RAB5A: variants seen among roughly 807,000 people sequenced by gnomAD.
The protein encoded by RAB5A is ras-related protein Rab-5A.
A neutral mutation model predicts 25.7 loss-of-function variants in RAB5A; 8 were observed. That is an observed-to-expected ratio of 0.31 (90% confidence interval 0.18 to 0.56). The LOEUF (loss-of-function observed/expected upper bound fraction) is 0.56. Among genes scored for constraint, RAB5A ranks in the 20% least tolerant of loss-of-function variants. The pLI is 0.91. For synonymous variants in RAB5A, 98 were observed against 89.8 expected, an observed-to-expected ratio of 1.09 and a Z score of -0.52; for missense variants, 192 against 259.7, an observed-to-expected ratio of 0.74 and a Z score of 1.79.
At position 19,947,471 on chromosome 3, in the gene RAB5A, C is replaced by G. The variant is rs1461909864; in HGVS notation, c.-144C>G. 6.5e-6 allele frequency: 1 copy of G among 153,226 alleles called. No homozygotes were observed. Among genetic ancestry groups the G allele is most frequent in the African/African-American group, 2.4e-5 (1 of 41,442 alleles). 9.5% of individuals were successfully genotyped at this position (153,226 alleles called of 1,614,324 possible). On this transcript the variant is annotated 5_prime_UTR_variant, in exon 1 of 6. Coordinates refer to ENST00000273047, the MANE Select transcript of RAB5A (RefSeq NM_004162.5). The stretch of plus-strand genomic sequence containing the variant: ...TCTCATCCTACGGGCCACGCCTGGG[C>G]CTTGCTGCCAGGAAGCTTCGGCCCC...
At chr3:19,970,196 A>C (rs1696725290) in intron 2 of RAB5A, among the ~76,000 whole-genome samples, 1 of 152,156 alleles carries the variant, frequency 6.6e-6, no homozygotes, top group African/African-American at 2.4e-5. Flanking sequence ...CACTATGCCC[A>C]GCCACTTTGT....
chr3:19,947,266 C>CCGGCGGCGGCGG lies in RAB5A; in HGVS notation c.-339_-328dup, dbSNP rs67898127. 0.21 allele frequency: 37,658 copies of CCGGCGGCGGCGG among 182,848 alleles called. 5,665 individuals are homozygous for CCGGCGGCGGCGG. Among genetic ancestry groups the CCGGCGGCGGCGG allele is most frequent in the Non-Finnish European group, 0.28 (25,626 of 91,102 alleles). 11.3% of individuals were successfully genotyped at this position (182,848 alleles called of 1,614,324 possible). ...GGAAGAATTAGTCGGAACTCCAGCG[C>CCGGCGGCGGCGG]CGGCGGCGGCGGCGGCGGCGGAGGA... On this transcript the variant is annotated 5_prime_UTR_variant, in exon 1 of 6. Transcript: ENST00000273047.
intron 5 of RAB5A, 59 bp from the exon 6 acceptor site, chr3:19,983,649 T>C (rs942653817): frequency 4.4e-6 from 5 of 1,134,760 alleles, no homozygotes; most frequent in Admixed American, 3.9e-5. Context: ...GATAAGCAGG[T>C]GAAACTGATA....
In RAB5A at chr3:19,985,147, A is replaced by G. The variant is rs1697008817; in HGVS notation, c.*1324A>G. On this transcript the variant is annotated 3_prime_UTR_variant, in exon 6 of 6. Coordinates refer to ENST00000273047, the MANE Select transcript of RAB5A (RefSeq NM_004162.5). ...TGTTTAGTTTTATATTGAGGTGCTCAGGTTGGAATAAAGTGGTATAAAAAG... is the reference window on the plus strand; with the variant it reads ...TGTTTAGTTTTATATTGAGGTGCTCGGGTTGGAATAAAGTGGTATAAAAAG... The G allele has an allele frequency of 4.7e-6, 2 of 429,510 alleles. No individual in the cohort carries two copies. The highest frequency in any genetic ancestry group is 4.1e-5 in the African/African-American group (2 of 48,606). The allele number at this position is 429,510 out of a possible 1,614,324, so 26.6% of individuals were successfully genotyped here.
intron 2 of RAB5A, among the ~76,000 whole-genome samples, chr3:19,975,321 T>C (rs1198033255): frequency 2.6e-5 from 4 of 152,120 alleles, no homozygotes; most frequent in Admixed American, 2.6e-4. Flanking sequence ...GTGATTTCAC[T>C]ACAAAGGCCC....
chr3:19,957,490 TA>T (rs57627468), intron 2 of RAB5A, among the ~76,000 whole-genome samples: 99,687 of 138,694 alleles, frequency 0.72, 35,392 homozygotes, highest in Non-Finnish European at 0.76. Flanking sequence ...CCATCCTTAC[TA>T]AAAAAAAAAA....
chr3:19,969,409 A>G (rs1262181146), intron 2 of RAB5A, among the ~76,000 whole-genome samples: 2 of 152,136 alleles, frequency 1.3e-5, no homozygotes, highest in African/African-American at 2.4e-5. Flanking sequence ...GGATGATTTC[A>G]TTGACTACTG....
intron 2 of RAB5A, among the ~76,000 whole-genome samples, chr3:19,954,573 T>C (rs966882743): frequency 2.6e-5 from 4 of 152,120 alleles, no homozygotes; most frequent in African/African-American, 9.7e-5. Context: ...ATCCCAGCAC[T>C]TTGGGAAGCT....
chr3:19,983,998 T>A lies in RAB5A; in HGVS notation c.*175T>A. 2 of 561,608 alleles carry A rather than the reference T, an allele frequency of 3.6e-6. No individual in the cohort carries two copies. The highest frequency in any genetic ancestry group is 6.5e-6 in the Non-Finnish European group (2 of 308,876). 34.8% of individuals were successfully genotyped at this position (561,608 alleles called of 1,614,324 possible). On this transcript the variant is annotated 3_prime_UTR_variant, in exon 6 of 6. Coordinates refer to ENST00000273047, the MANE Select transcript of RAB5A (RefSeq NM_004162.5). Reference sequence around the variant, plus strand: ...TGAACTTAATTTTTAATAACATGCATGGGTCCCTCTCACTAATGTTTCAAC... The same window carrying A: ...TGAACTTAATTTTTAATAACATGCAAGGGTCCCTCTCACTAATGTTTCAAC...
intron 5 of RAB5A, among the ~76,000 whole-genome samples, chr3:19,981,613 CA>C (rs11307995): frequency 0.23 from 31,310 of 138,682 alleles, 3,917 homozygotes; most frequent in African/African-American, 0.37. Context: ...GACTCCGCCT[CA>C]AAAAAAAAAA....
chr3:19,963,915 C>T (rs750045586), intron 2 of RAB5A, among the ~76,000 whole-genome samples: 2 of 152,166 alleles, frequency 1.3e-5, no homozygotes, highest in African/African-American at 2.4e-5. Flanking sequence ...GCTGGGATTA[C>T]AGGTGTGAGC....
intron 2 of RAB5A, among the ~76,000 whole-genome samples, chr3:19,968,430 G>A (rs1696690602): frequency 6.6e-6 from 1 of 152,036 alleles, no homozygotes; most frequent in South Asian, 2.1e-4. Context: ...AAACTACCCA[G>A]TGTTTTCTTT....
intron 2 of RAB5A, among the ~76,000 whole-genome samples, chr3:19,971,303 G>A (rs1696748227): frequency 6.6e-6 from 1 of 151,570 alleles, no homozygotes; most frequent in Non-Finnish European, 1.5e-5. Context: ...TTATTATAGT[G>A]GGCTACACTA....
intron 2 of RAB5A, among the ~76,000 whole-genome samples, chr3:19,972,451 A>G (rs1479159048): frequency 2.6e-5 from 4 of 152,194 alleles, no homozygotes; most frequent in African/African-American, 9.6e-5. Context: ...GATGTAGGAG[A>G]TATTAACTAG....
rs375916393 is a variant in RAB5A at position 19,971,823 on chromosome 3, T to A, written c.164-3778T>A. The stretch of plus-strand genomic sequence containing the variant: ...AATATCTTGATGTTGTTTTTGAGGT[T>A]GTGTTACAACTTGAGTAGATACCTT... On this transcript the variant is annotated intron_variant, in intron 2 of 5. Coordinates refer to ENST00000273047, the MANE Select transcript of RAB5A (RefSeq NM_004162.5). Among the ~76,000 whole-genome samples, 22 of 152,296 alleles carry A rather than the reference T, an allele frequency of 1.4e-4. No homozygotes were observed. The South Asian group carries it at 3.7e-3, about 26-fold the overall frequency.
rs1167318350 is a variant in RAB5A at position 19,978,369 on chromosome 3, A to C, written c.498A>C (p.Thr166=). 1 of 1,606,778 alleles carries C rather than the reference A, an allele frequency of 6.2e-7. No homozygotes were observed. The highest frequency in any genetic ancestry group is 1.3e-5 in the African/African-American group (1 of 74,764). Residue 166 remains threonine, a synonymous_variant, in exon 5 of 6, where the codon ACA becomes ACC. Coordinates refer to ENST00000273047, the MANE Select transcript of RAB5A (RefSeq NM_004162.5). ...SLLFMETSAK[T]SMNVNEIFMA... Reference sequence around the variant, plus strand: ...TATTCATGGAGACATCCGCTAAAACATCAATGAATGTAAATGAAATATTCA... The same window carrying C: ...TATTCATGGAGACATCCGCTAAAACCTCAATGAATGTAAATGAAATATTCA...
chr3:19,972,748 A>G (rs976893187), intron 2 of RAB5A, among the ~76,000 whole-genome samples: 2 of 152,106 alleles, frequency 1.3e-5, no homozygotes, highest in African/African-American at 2.4e-5. Flanking sequence ...GGTAATGGGC[A>G]TTTGTTTGTC....
intron 4 of RAB5A, 104 bp downstream of exon 4, chr3:19,976,273 A>G: frequency 7.9e-7 from 1 of 1,263,348 alleles, no homozygotes; most frequent in Non-Finnish European, 1.1e-6. Flanking sequence ...TGCAAGTAAT[A>G]GAAAATACTG....
In RAB5A at chr3:19,953,046, C is replaced by T. The variant is rs546422656; in HGVS notation, c.163+1985C>T. Among the ~76,000 whole-genome samples, 88 of 149,098 alleles carry T rather than the reference C, an allele frequency of 5.9e-4. 1 individual carries two copies. Among genetic ancestry groups the T allele is most frequent in the African/African-American group, 2.2e-3 (86 of 38,568 alleles). On this transcript the variant is annotated intron_variant, in intron 2 of 5. Coordinates refer to ENST00000273047, the MANE Select transcript of RAB5A (RefSeq NM_004162.5). ...GGGACTTACTATATGCTACTCTTCT[C>T]CTCTCTCTTTATTATTTTATTAAAA... is the stretch of plus-strand genomic sequence containing the variant.
Sources: allele counts gnomAD v4.1 joint callset (sites outside exome capture counted in the v4.1 genomes callset), GRCh38; gene constraint gnomAD v4.1.1; transcripts MANE v1.5; gene names NCBI Gene and HGNC (gene_info 2026-07-23, HGNC 2026-07-21).